The following MBD2 variants were observed in gnomAD, a reference collection of about 807,000 sequenced individuals.
MBD2 encodes the protein methyl-CpG-binding domain protein 2.
MBD2 carries 9 observed loss-of-function variants against 39.3 expected under a neutral mutation model. The observed-to-expected ratio is 0.23, with a 90% confidence interval of 0.14 to 0.40. MBD2 has a LOEUF of 0.40. Among genes scored for constraint, MBD2 ranks in the 10% least tolerant of loss-of-function variants. The pLI is 1.00. For missense variants in MBD2, 458 were observed against 532.6 expected, an observed-to-expected ratio of 0.86 and a Z score of 1.38; for synonymous variants, 233 against 211.1, an observed-to-expected ratio of 1.10 and a Z score of -0.90.
chr18:54,211,448 C>T (rs900719048), intron 1 of MBD2, among the ~76,000 whole-genome samples: 1 of 151,212 alleles, frequency 6.6e-6, no homozygotes, highest in Non-Finnish European at 1.5e-5. Flanking sequence ...AAAAATCTAC[C>T]TAAGTCAGCT....
At chr18:54,203,054 G>T in intron 2 of MBD2, 1 of 1,428,960 alleles carries the variant, frequency 7.0e-7, no homozygotes, top group Non-Finnish European at 9.9e-7. Context: ...AGCAAGCAGA[G>T]TCTTGAAAGC....
At chr18:54,221,429 G>GC (rs2086611357) in intron 1 of MBD2, among the ~76,000 whole-genome samples, 1 of 147,310 alleles carries the variant, frequency 6.8e-6, no homozygotes, top group Non-Finnish European at 1.5e-5. Flanking sequence ...CTGCACTCCA[G>GC]CCTGGGCAAC....
At chr18:54,199,601 C>A (rs750910580) in intron 2 of MBD2, among the ~76,000 whole-genome samples, 1 of 152,168 alleles carries the variant, frequency 6.6e-6, no homozygotes, top group Non-Finnish European at 1.5e-5. Flanking sequence ...CTTCCTCACT[C>A]CACCCCCAAA....
chr18:54,202,843 A>G (rs2144328039), intron 2 of MBD2: 1 of 1,467,212 alleles, frequency 6.8e-7, no homozygotes, highest in Non-Finnish European at 9.5e-7. Context: ...CTCACAGTCT[A>G]GCTGAAGCAG....
chr18:54,183,028 CG>C (rs2086261446), intron 3 of MBD2, among the ~76,000 whole-genome samples: 1 of 152,020 alleles, frequency 6.6e-6, no homozygotes, highest in South Asian at 2.1e-4. Flanking sequence ...GAGGTAGGAT[CG>C]ATAGGACTTG....
At chr18:54,159,131 G>A (rs544836325) in intron 6 of MBD2, among the ~76,000 whole-genome samples, 5 of 152,182 alleles carry the variant, frequency 3.3e-5, no homozygotes, top group East Asian at 1.9e-4. Flanking sequence ...TTCTGGGGCC[G>A]TTCCTCCCTA....
At chr18:54,189,422 C>T (rs1427211814) in intron 2 of MBD2, among the ~76,000 whole-genome samples, 2 of 151,858 alleles carry the variant, frequency 1.3e-5, no homozygotes, top group Admixed American at 6.6e-5. Context: ...CGGGGTTTCA[C>T]CATGTTAGCC....
In MBD2 at chr18:54,172,959, C is replaced by T. The variant is rs16957906; in HGVS notation, c.841-6793G>A. 4.8e-3 allele frequency among the ~76,000 whole-genome samples: 726 copies of T among 152,320 alleles called. 19 individuals carry two copies. The highest frequency in any genetic ancestry group is 0.039 in the Admixed American group (603 of 15,292). On this transcript the variant is annotated intron_variant, in intron 3 of 6. Transcript: ENST00000256429. ...CACAGCAACTATCATTTTACTATTTCGTTTCACCTGTGGCTTGTAGCACAT... is the reference window on the plus strand; with the variant it reads ...CACAGCAACTATCATTTTACTATTTTGTTTCACCTGTGGCTTGTAGCACAT...
At chr18:54,177,027 C>G (rs2086216618) in intron 3 of MBD2, among the ~76,000 whole-genome samples, 1 of 152,162 alleles carries the variant, frequency 6.6e-6, no homozygotes, top group Non-Finnish European at 1.5e-5. Context: ...AGTGGGTATA[C>G]AATACTTGTC....
chr18:54,161,113 G>A (rs1265517901), intron 5 of MBD2, among the ~76,000 whole-genome samples: 2 of 152,114 alleles, frequency 1.3e-5, no homozygotes, highest in African/African-American at 2.4e-5. Context: ...CACTCCATAG[G>A]GGCTCAACCA....
rs2086037556 is a variant in MBD2 at position 54,154,053 on chromosome 18, AT to A, written c.*1270del. 1 of 152,202 alleles carries A rather than the reference AT, an allele frequency of 6.6e-6. No homozygotes were observed. Among genetic ancestry groups the A allele is most frequent in the Non-Finnish European group, 1.5e-5 (1 of 68,026 alleles). 9.4% of individuals were successfully genotyped at this position (152,202 alleles called of 1,614,324 possible). A position where few individuals can be genotyped will look rare whatever the true frequency, so the allele number is the denominator to read the frequency against. The stretch of plus-strand genomic sequence containing the variant: ...AATTGGTCATACCCCTGACTGCATC[AT>A]TTAGGTTCTAATTTTAAAAGAACTC... On this transcript the variant is annotated 3_prime_UTR_variant, in exon 7 of 7. Transcript: ENST00000256429.
intron 3 of MBD2, among the ~76,000 whole-genome samples, chr18:54,169,335 CCAATAGT>C (rs1291860867): frequency 1.3e-5 from 2 of 151,356 alleles, no homozygotes; most frequent in Admixed American, 1.3e-4. Context: ...TAAACGTACT[CCAATAGT>C]CAGTCAGCTC....
chr18:54,207,316 C>G (rs1298507941), intron 1 of MBD2, among the ~76,000 whole-genome samples: 1 of 152,148 alleles, frequency 6.6e-6, no homozygotes, highest in Non-Finnish European at 1.5e-5. Flanking sequence ...ATCCTCCAAG[C>G]CCAGCTAAAA....
At chr18:54,199,299 T>C (rs966450140) in intron 2 of MBD2, among the ~76,000 whole-genome samples, 3 of 152,322 alleles carry the variant, frequency 2.0e-5, no homozygotes, top group Middle Eastern at 3.4e-3. Context: ...AGACAAAGTC[T>C]TTATCCTCCC....
chr18:54,168,615 G>C, intron 3 of MBD2, among the ~76,000 whole-genome samples: 1 of 6,888 alleles, frequency 1.5e-4, no homozygotes, highest in African/African-American at 6.5e-4. Context: ...ATGCATATTT[G>C]TGTGTGTGTG....
chr18:54,182,890 C>T (rs1226478059), intron 3 of MBD2, among the ~76,000 whole-genome samples: 1 of 151,926 alleles, frequency 6.6e-6, no homozygotes, highest in Non-Finnish European at 1.5e-5. Flanking sequence ...CGTGATTGCA[C>T]TCCTGCACTC....
chr18:54,160,666 A>G (rs1599073702), intron 5 of MBD2, among the ~76,000 whole-genome samples: 2 of 151,402 alleles, frequency 1.3e-5, no homozygotes, highest in African/African-American at 4.8e-5. Context: ...AAAAAAAAAA[A>G]GAAAAGAAAG....
intron 5 of MBD2, among the ~76,000 whole-genome samples, chr18:54,163,557 C>T (rs949608756): frequency 2.0e-5 from 3 of 152,034 alleles, no homozygotes; most frequent in African/African-American, 7.2e-5. Flanking sequence ...TTTTCCTGTG[C>T]AATGGTTTGC....
chr18:54,214,239 A>G (rs1225227698), intron 1 of MBD2, among the ~76,000 whole-genome samples: 7 of 150,814 alleles, frequency 4.6e-5, no homozygotes, highest in Admixed American at 2.0e-4. Flanking sequence ...TCTGTTGCCC[A>G]GGTTGCAGTG....
Sources: gnomAD v4.1 joint callset for allele counts (sites outside exome capture counted in the v4.1 genomes callset) on GRCh38, gnomAD v4.1.1 for gene constraint, MANE v1.5 for transcripts, NCBI Gene and HGNC (gene_info 2026-07-23, HGNC 2026-07-21) for gene names.